Variants in MKLN1 observed in about 807,000 individuals in gnomAD.
MKLN1 encodes the protein muskelin.
Under a neutral mutation model 99.0 loss-of-function variants are expected in MKLN1, and 18 were observed. The ratio of observed to expected loss-of-function variants is 0.18; its 90% CI spans 0.13 to 0.27. MKLN1 has a LOEUF of 0.27. MKLN1 is among the 10% of genes least tolerant of loss of function. The pLI is 1.00. For synonymous variants in MKLN1, 288 were observed against 293.2 expected (o/e 0.98, Z 0.18); for missense variants, 621 against 875.9 (o/e 0.71, Z 3.67).
chr7:131,328,237 G>A (rs1333187808), intron 1 of MKLN1: 2 of 523,040 alleles, frequency 3.8e-6, no homozygotes, highest in Non-Finnish European at 6.8e-6. Context: ...GATCCGGGGC[G>A]CGCACAGGAG....
At chr7:131,266,173 CAAAAAAA>C (rs35332093) in intron 3 of MKLN1, among the ~76,000 whole-genome samples, 1 of 86,576 alleles carries the variant, frequency 1.2e-5, no homozygotes, top group African/African-American at 4.6e-5. Flanking sequence ...GACTGCATCT[CAAAAAAA>C]AAAAAAAAAA....
chr7:131,273,384 C>T (rs1797915939), intron 3 of MKLN1, among the ~76,000 whole-genome samples: 1 of 152,160 alleles, frequency 6.6e-6, no homozygotes, highest in Non-Finnish European at 1.5e-5. Flanking sequence ...TGGAGGACCA[C>T]TGGGAATGTG....
chr7:131,192,648 TCTC>T (rs1430461604), intron 2 of MKLN1, among the ~76,000 whole-genome samples: 1 of 151,340 alleles, frequency 6.6e-6, no homozygotes, highest in Middle Eastern at 3.2e-3. Flanking sequence ...TTCAAACAAT[TCTC>T]CTGCCTCAGC....
chr7:131,448,418 A>G lies in MKLN1; in HGVS notation c.1525+2515A>G, dbSNP rs114775182. ...TGGCTAGCTTTAGAGCAGTGTGGCA[A>G]TTATTCTTTTTATTTAATTTTGTTG... On this transcript the variant is annotated intron_variant, in intron 12 of 17. Coordinates refer to ENST00000352689, the MANE Select transcript of MKLN1 (RefSeq NM_013255.5). Among the ~76,000 whole-genome samples, 704 of 152,310 alleles carry G rather than the reference A, an allele frequency of 4.6e-3. 5 individuals carry two copies. Among genetic ancestry groups the G allele is most frequent in the African/African-American group, 0.016 (650 of 41,570 alleles).
chr7:131,320,962 A>G (rs955650838), intron 3 of MKLN1, among the ~76,000 whole-genome samples: 11 of 152,242 alleles, frequency 7.2e-5, no homozygotes, highest in Non-Finnish European at 1.5e-4. Context: ...AGAAACAGGA[A>G]TGCTTTTACA....
intron 3 of MKLN1, among the ~76,000 whole-genome samples, chr7:131,236,908 G>A (rs1797330259): frequency 6.6e-6 from 1 of 152,068 alleles, no homozygotes; most frequent in Non-Finnish European, 1.5e-5. Context: ...GATAACTTGA[G>A]CCCAGCAGTT....
chr7:131,452,497 A>T (rs1796209261), intron 12 of MKLN1, among the ~76,000 whole-genome samples: 1 of 151,434 alleles, frequency 6.6e-6, no homozygotes, highest in Non-Finnish European at 1.5e-5. Flanking sequence ...CTGACATTTT[A>T]AAAAATTAGT....
intron 2 of MKLN1, among the ~76,000 whole-genome samples, chr7:131,380,840 T>C (rs1378607511): frequency 6.6e-6 from 1 of 152,322 alleles, no homozygotes; most frequent in South Asian, 2.1e-4. Flanking sequence ...CCTTAAACTA[T>C]GGCAAGTATT....
At chr7:131,344,035 C>G (rs1429229372) in intron 1 of MKLN1, among the ~76,000 whole-genome samples, 4 of 151,926 alleles carry the variant, frequency 2.6e-5, no homozygotes, top group African/African-American at 9.7e-5. Flanking sequence ...GCAAAAAAAC[C>G]CTGATTTTAA....
chr7:131,358,420 T>A (rs951580485), intron 1 of MKLN1, among the ~76,000 whole-genome samples: 13 of 152,326 alleles, frequency 8.5e-5, no homozygotes, highest in Admixed American at 3.9e-4. Context: ...TATACATTTT[T>A]AAATTTGATT....
intron 17 of MKLN1, among the ~76,000 whole-genome samples, chr7:131,484,278 C>T (rs1337500580): frequency 6.6e-6 from 1 of 152,124 alleles, no homozygotes; most frequent in African/African-American, 2.4e-5. Flanking sequence ...AACTTAAGCA[C>T]TTAATGAGTG....
At chr7:131,354,296 T>G (rs1359980277) in intron 1 of MKLN1, among the ~76,000 whole-genome samples, 1 of 152,166 alleles carries the variant, frequency 6.6e-6, no homozygotes, top group Non-Finnish European at 1.5e-5. Flanking sequence ...TTCTTCAATT[T>G]CTTTTATCAG....
At chr7:131,262,472 C>G (rs544460577) in intron 3 of MKLN1, among the ~76,000 whole-genome samples, 1 of 152,086 alleles carries the variant, frequency 6.6e-6, no homozygotes, top group African/African-American at 2.4e-5. Context: ...CCACTACCCC[C>G]TCCTCCAAAA....
chr7:131,420,353 C>T (rs888617811), intron 8 of MKLN1, among the ~76,000 whole-genome samples: 6 of 151,856 alleles, frequency 4.0e-5, no homozygotes, highest in African/African-American at 1.5e-4. Context: ...TCATATAGAG[C>T]TGACAGGATT....
intron 1 of MKLN1, among the ~76,000 whole-genome samples, chr7:131,130,735 T>C (rs549338509): frequency 1.3e-5 from 2 of 152,278 alleles, no homozygotes; most frequent in South Asian, 2.1e-4. Context: ...TAATGTATTA[T>C]TAGTAGATAA....
intron 2 of MKLN1, among the ~76,000 whole-genome samples, chr7:131,174,421 A>G (rs1221116282): frequency 6.6e-6 from 1 of 152,226 alleles, no homozygotes; most frequent in Admixed American, 6.5e-5. Flanking sequence ...TAGCGGGGAC[A>G]AGAAAGGTTT....
At chr7:131,245,607 C>T (rs1797475685) in intron 3 of MKLN1, among the ~76,000 whole-genome samples, 1 of 152,132 alleles carries the variant, frequency 6.6e-6, no homozygotes, top group South Asian at 2.1e-4. Flanking sequence ...TGTACCTTTT[C>T]TATGTTTAGA....
At chr7:131,411,692 A>C (rs1004340291) in intron 7 of MKLN1, among the ~76,000 whole-genome samples, 5 of 151,944 alleles carry the variant, frequency 3.3e-5, no homozygotes, top group African/African-American at 1.2e-4. Flanking sequence ...AGATCACCTG[A>C]GGTTAGTAGT....
chr7:131,473,060 G>C (rs1476913594), intron 16 of MKLN1, among the ~76,000 whole-genome samples: 1 of 151,866 alleles, frequency 6.6e-6, no homozygotes, highest in Non-Finnish European at 1.5e-5. Context: ...AGAATTACTG[G>C]TCCATAGTAT....
Sources: gnomAD v4.1 joint callset for allele counts (sites outside exome capture counted in the v4.1 genomes callset) on GRCh38, gnomAD v4.1.1 for gene constraint, MANE v1.5 for transcripts, NCBI Gene and HGNC (gene_info 2026-07-23, HGNC 2026-07-21) for gene names.